HGF: variants seen among roughly 807,000 people sequenced by gnomAD.
HGF encodes hepatocyte growth factor.
In HGF, 39 loss-of-function variants were observed where a neutral mutation model predicts 111.6. That is an observed-to-expected ratio of 0.35 (90% CI 0.27 to 0.46). HGF has a LOEUF of 0.46. Among genes scored for constraint, HGF ranks in the 20% least tolerant of loss-of-function variants. The pLI is 1.00. For missense variants in HGF, 735 were observed against 910.5 expected, an observed-to-expected ratio of 0.81 and a Z score of 2.48; for synonymous variants, 285 against 294.8, an observed-to-expected ratio of 0.97 and a Z score of 0.34.
chr7:81,731,021 T>G (rs749177924), intron 7 of HGF, among the ~76,000 whole-genome samples: 3 of 152,206 alleles, frequency 2.0e-5, no homozygotes, highest in Non-Finnish European at 4.4e-5. Context: ...GTAAATATTT[T>G]TAATAGCTTT....
chr7:81,701,032 C>T lies in HGF; in HGVS notation c.*1549G>A, dbSNP rs186791770. ...AAATTATTTTTAAAGGTGTTTTGTACAGGAAGATTTCTGCAAAAATTCAAA... is the reference window on the plus strand; with the variant it reads ...AAATTATTTTTAAAGGTGTTTTGTATAGGAAGATTTCTGCAAAAATTCAAA... On this transcript the variant is annotated 3_prime_UTR_variant, in exon 18 of 18. Coordinates refer to ENST00000222390, the MANE Select transcript of HGF (RefSeq NM_000601.6). The T allele has an allele frequency of 6.6e-6, 1 of 151,664 alleles. No individual in the cohort carries two copies. The highest frequency in any genetic ancestry group is 1.9e-4 in the East Asian group (1 of 5,154). The allele number at this position is 151,664 out of a possible 1,614,324, so 9.4% of individuals were successfully genotyped here. A position where few individuals can be genotyped will look rare whatever the true frequency, so the allele number is the denominator to read the frequency against.
At chr7:81,760,968 T>A (rs1789044124) in intron 2 of HGF, among the ~76,000 whole-genome samples, 1 of 152,186 alleles carries the variant, frequency 6.6e-6, no homozygotes, top group Non-Finnish European at 1.5e-5. Context: ...TTTTCTTTCC[T>A]AAGTATACGG....
intron 2 of HGF, among the ~76,000 whole-genome samples, chr7:81,760,680 C>CGTGTGTGT (rs55865050): frequency 1.9e-4 from 27 of 139,566 alleles, no homozygotes; most frequent in African/African-American, 5.9e-4. Context: ...TATGTGCGTG[C>CGTGTGTGT]GTGTGTGTGT....
chr7:81,705,363 C>A (rs1562870523), intron 17 of HGF, 27 bp downstream of exon 17: 1 of 1,604,710 alleles, frequency 6.2e-7, no homozygotes, highest in Non-Finnish European at 8.5e-7. Flanking sequence ...GAATCACATA[C>A]TCCTTATTAA....
chr7:81,755,791 G>A (rs1788738324), intron 4 of HGF: 2 of 530,426 alleles, frequency 3.8e-6, no homozygotes. Flanking sequence ...GTGTTTTAGA[G>A]GCATTTCTAC....
At chr7:81,735,724 G>C (rs1017600539) in intron 7 of HGF, among the ~76,000 whole-genome samples, 1 of 151,980 alleles carries the variant, frequency 6.6e-6, no homozygotes, top group African/African-American at 2.4e-5. Flanking sequence ...CCATAACAAG[G>C]CTGCAGATTT....
intron 3 of HGF, 89 bp from the exon 4 acceptor site, chr7:81,757,392 T>A: frequency 1.4e-6 from 1 of 723,286 alleles, no homozygotes. Flanking sequence ...TGTAAGTAAT[T>A]AACTCTTGTA....
At position 81,741,744 on chromosome 7, in the gene HGF, G is replaced by A. The variant is rs541308750; in HGVS notation, c.865+1609C>T. Reference sequence around the variant, plus strand: ...ACCTGAGGTCGGGAGTTCGAGACCAGCCTGACCAACATAGAGAAACCCTGT... The same window carrying A: ...ACCTGAGGTCGGGAGTTCGAGACCAACCTGACCAACATAGAGAAACCCTGT... On this transcript the variant is annotated intron_variant, in intron 7 of 17. Coordinates refer to ENST00000222390, the MANE Select transcript of HGF (RefSeq NM_000601.6). Among the ~76,000 whole-genome samples the A allele has an allele frequency of 2.8e-4, 43 of 151,864 alleles. 1 individual carries two copies. The South Asian group carries it at 8.9e-3, about 32-fold the overall frequency.
chr7:81,739,988 A>G (rs1478795183), intron 7 of HGF, among the ~76,000 whole-genome samples: 2 of 152,016 alleles, frequency 1.3e-5, no homozygotes, highest in East Asian at 1.9e-4. Context: ...CATATCAATC[A>G]TGTACCTTGT....
At chr7:81,745,227 A>G in intron 5 of HGF, 107 bp from the exon 6 acceptor site, 1 of 1,147,064 alleles carries the variant, frequency 8.7e-7, no homozygotes, top group South Asian at 1.3e-5. Flanking sequence ...ATTTTTAAAA[A>G]ATCCTACACA....
chr7:81,767,004 G>T (rs1304128331), intron 1 of HGF, among the ~76,000 whole-genome samples: 2 of 152,092 alleles, frequency 1.3e-5, no homozygotes, highest in African/African-American at 4.8e-5. Context: ...TTCAGTTGCT[G>T]TGTGGGGTCC....
chr7:81,735,400 A>G (rs1787793661), intron 7 of HGF, among the ~76,000 whole-genome samples: 1 of 152,082 alleles, frequency 6.6e-6, no homozygotes, highest in African/African-American at 2.4e-5. Flanking sequence ...GAAAAAGGGT[A>G]TTGACGGCAT....
intron 4 of HGF, among the ~76,000 whole-genome samples, chr7:81,752,825 T>G (rs534603137): frequency 1.8e-4 from 27 of 152,194 alleles, no homozygotes; most frequent in Admixed American, 1.4e-3. Flanking sequence ...GAGACCCCAG[T>G]AAGTAATTTA....
chr7:81,726,987 A>G (rs2115911489), intron 8 of HGF, among the ~76,000 whole-genome samples: 1 of 151,930 alleles, frequency 6.6e-6, no homozygotes, highest in Non-Finnish European at 1.5e-5. Flanking sequence ...TCCAATTAGA[A>G]GTACTATTAT....
chr7:81,761,185 G>T (rs1789057621), intron 2 of HGF, among the ~76,000 whole-genome samples: 1 of 152,164 alleles, frequency 6.6e-6, no homozygotes, highest in African/African-American at 2.4e-5. Flanking sequence ...TGTTGATTGA[G>T]AGTAGTTGTC....
intron 4 of HGF, chr7:81,756,234 T>G (rs966267079): frequency 4.6e-5 from 26 of 568,476 alleles, no homozygotes; most frequent in Non-Finnish European, 7.8e-5. Flanking sequence ...TATGCTTCAG[T>G]TTTGTCATGT....
At chr7:81,726,418 C>T (rs1388455917) in intron 8 of HGF, among the ~76,000 whole-genome samples, 2 of 152,148 alleles carry the variant, frequency 1.3e-5, no homozygotes, top group African/African-American at 4.8e-5. Context: ...ACATATCTCT[C>T]TTTGTGGAAG....
chr7:81,721,845 T>C (rs563179625), intron 9 of HGF, among the ~76,000 whole-genome samples: 32 of 152,304 alleles, frequency 2.1e-4, no homozygotes, highest in African/African-American at 7.5e-4. Context: ...GGCCTTTGAG[T>C]CTGAATAAAT....
chr7:81,755,141 G>C (rs1315261613), intron 4 of HGF: 2 of 152,150 alleles, frequency 1.3e-5, no homozygotes, highest in Middle Eastern at 6.8e-3. Flanking sequence ...GAAGGATACA[G>C]ATGTAGATAT....
Sources: allele counts gnomAD v4.1 joint callset (sites outside exome capture counted in the v4.1 genomes callset), GRCh38; gene constraint gnomAD v4.1.1; transcripts MANE v1.5; gene names NCBI Gene and HGNC (gene_info 2026-07-23, HGNC 2026-07-21).